SUMF1: variants seen among roughly 807,000 people sequenced by gnomAD.
The protein encoded by SUMF1 is sulfatase modifying factor 1.
In SUMF1, 48 loss-of-function variants were observed where a neutral mutation model predicts 47.6. The ratio of observed to expected loss-of-function variants is 1.01; its 90% confidence interval spans 0.80 to 1.28. The LOEUF is 1.28. SUMF1 is among the 50% of genes most tolerant of loss of function. The probability of loss-of-function intolerance (pLI) is 0.00; values close to 1 mark genes in which losing one functional copy is unlikely to be tolerated. For missense variants in SUMF1, 571 were observed against 485.4 expected, an observed-to-expected ratio of 1.18 and a Z score of -1.66; for synonymous variants, 230 against 192.1, an observed-to-expected ratio of 1.20 and a Z score of -1.63.
chr3:4,313,606 T>C (rs770972291), intron 8 of SUMF1: 1 of 1,614,114 alleles, frequency 6.2e-7, no homozygotes, highest in Admixed American at 1.7e-5. Context: ...ACCTTGTTAC[T>C]GTGGTGCCAA....
intron 8 of SUMF1, chr3:4,229,406 G>A (rs577590393): frequency 1.8e-4 from 64 of 352,882 alleles, no homozygotes; most frequent in South Asian, 3.6e-4. Context: ...GCATGTCTTA[G>A]CCATGTCATT....
rs193166304 is a variant in SUMF1 at position 4,199,522 on chromosome 3, G to A, written c.1015-130777C>T. Among the ~76,000 whole-genome samples, 36 of 152,198 alleles carry A rather than the reference G, an allele frequency of 2.4e-4. No individual in the cohort carries two copies. The East Asian group carries it at 5.6e-3, about 24-fold the overall frequency. On this transcript the variant is annotated intron_variant and NMD_transcript_variant, in intron 8 of 12. Transcript: ENST00000448413. ...AATTTCTGGGTTGTATGGTAATTAC[G>A]TGTTCAACTTTTTAGGAAACTGGCG...
chr3:4,322,025 T>C (rs1300903653), intron 8 of SUMF1, among the ~76,000 whole-genome samples: 1 of 152,114 alleles, frequency 6.6e-6, no homozygotes, highest in African/African-American at 2.4e-5. Context: ...AGACTAATCA[T>C]GAGGAAAAGA....
intron 7 of SUMF1, among the ~76,000 whole-genome samples, chr3:4,395,414 T>C (rs922617847): frequency 1.3e-5 from 2 of 152,334 alleles, no homozygotes; most frequent in African/African-American, 4.8e-5. Flanking sequence ...TTTTGAATTA[T>C]GTTTAATTTT....
intron 8 of SUMF1, among the ~76,000 whole-genome samples, chr3:4,155,441 G>A (rs748696012): frequency 6.6e-6 from 1 of 151,532 alleles, no homozygotes; most frequent in Non-Finnish European, 1.5e-5. Context: ...ATGTTCTCAT[G>A]TCAAACACGG....
intron 8 of SUMF1, among the ~76,000 whole-genome samples, chr3:4,321,487 AAAAAAAG>A: frequency 6.6e-6 from 1 of 150,600 alleles, no homozygotes; most frequent in East Asian, 1.9e-4. Flanking sequence ...AAAAAAAAAA[AAAAAAAG>A]AAAAAGAAAG....
intron 8 of SUMF1, among the ~76,000 whole-genome samples, chr3:4,279,885 T>C (rs1012662846): frequency 1.3e-5 from 2 of 152,200 alleles, no homozygotes; most frequent in African/African-American, 2.4e-5. Flanking sequence ...ATGTACTATA[T>C]CTTATGAGAC....
intron 8 of SUMF1, among the ~76,000 whole-genome samples, chr3:4,298,963 A>G (rs1449006437): frequency 6.6e-6 from 1 of 152,116 alleles, no homozygotes; most frequent in Non-Finnish European, 1.5e-5. Context: ...CCTAAATCCT[A>G]TCCATCATTC....
In SUMF1 at chr3:4,365,887, C is replaced by G. The variant is rs560550375; in HGVS notation, c.1015-3633G>C. Among the ~76,000 whole-genome samples the G allele has an allele frequency of 9.2e-5, 14 of 152,254 alleles. 1 individual carries two copies. The South Asian group carries it at 2.5e-3, about 27-fold the overall frequency. On this transcript the variant is annotated intron_variant, in intron 8 of 8. Coordinates refer to ENST00000272902, the MANE Select transcript of SUMF1 (RefSeq NM_182760.4). ...TCCTTTCCATATTTAGTGTTTCCTT[C>G]AGGAGCTCTTTTAGGGCAGGCCTGG...
At chr3:4,176,056 A>T (rs1559538307) in intron 8 of SUMF1, among the ~76,000 whole-genome samples, 1 of 152,192 alleles carries the variant, frequency 6.6e-6, no homozygotes, top group Non-Finnish European at 1.5e-5. Flanking sequence ...CCAAATCTAC[A>T]TTTGATTGTT....
chr3:4,083,575 G>A (rs891126584), intron 8 of SUMF1, among the ~76,000 whole-genome samples: 15 of 152,052 alleles, frequency 9.9e-5, no homozygotes, highest in African/African-American at 2.9e-4. Flanking sequence ...TACCACTATC[G>A]TCCATTTGCA....
chr3:4,414,655 A>G (rs1008925444), intron 6 of SUMF1: 23 of 152,238 alleles, frequency 1.5e-4, no homozygotes, highest in African/African-American at 5.5e-4. Context: ...AGTAACTTCC[A>G]TGGCAACTTC....
chr3:4,407,034 G>A (rs925572947), intron 7 of SUMF1, among the ~76,000 whole-genome samples: 1 of 151,982 alleles, frequency 6.6e-6, no homozygotes, highest in Non-Finnish European at 1.5e-5. Context: ...TATCTGTGAG[G>A]AGGGGAATGA....
intron 9 of SUMF1, among the ~76,000 whole-genome samples, chr3:4,042,676 T>C (rs1694929576): frequency 6.6e-6 from 1 of 152,194 alleles, no homozygotes; most frequent in African/African-American, 2.4e-5. Flanking sequence ...CACAGCAGTC[T>C]CATTGCAGTG....
At chr3:4,331,821 C>G (rs772020444) in intron 8 of SUMF1, among the ~76,000 whole-genome samples, 1 of 152,126 alleles carries the variant, frequency 6.6e-6, no homozygotes, top group African/African-American at 2.4e-5. Flanking sequence ...CAGAGCAAGA[C>G]TCCATCTCCA....
intron 7 of SUMF1, among the ~76,000 whole-genome samples, chr3:4,396,457 C>T (rs1236539112): frequency 6.6e-6 from 1 of 152,184 alleles, no homozygotes; most frequent in African/African-American, 2.4e-5. Context: ...GGCATCACCA[C>T]GGGACCTACC....
intron 8 of SUMF1, among the ~76,000 whole-genome samples, chr3:4,097,981 G>T (rs191913329): frequency 6.6e-6 from 1 of 152,232 alleles, no homozygotes; most frequent in Non-Finnish European, 1.5e-5. Context: ...ACTACTCTCA[G>T]AAACAATGGC....
intron 3 of SUMF1, among the ~76,000 whole-genome samples, chr3:4,441,537 G>A (rs1223977329): frequency 6.6e-6 from 1 of 152,154 alleles, no homozygotes; most frequent in East Asian, 1.9e-4. Context: ...CAAAAAGGTT[G>A]GGGACTGCTG....
rs192854739 is a variant in SUMF1 at position 4,254,143 on chromosome 3, A to T, written c.1014+122187T>A. Among the ~76,000 whole-genome samples the T allele has an allele frequency of 9.0e-3, 1,361 of 151,992 alleles. 24 individuals are homozygous for T. The highest frequency in any genetic ancestry group is 0.031 in the African/African-American group (1,297 of 41,450). On this transcript the variant is annotated intron_variant and NMD_transcript_variant, in intron 8 of 12. Coordinates refer to the SUMF1 transcript ENST00000448413. ...ACCATCATCAAAGACCAAAAGCAAA[A>T]AAAACCACAAAGATGGGGAAAAAAC... is the stretch of plus-strand genomic sequence containing the variant.
Sources: allele counts gnomAD v4.1 joint callset (sites outside exome capture counted in the v4.1 genomes callset), GRCh38; gene constraint gnomAD v4.1.1; transcripts MANE v1.5; gene names NCBI Gene and HGNC (gene_info 2026-07-23, HGNC 2026-07-21).